SATB2: variants seen among roughly 807,000 people sequenced by gnomAD.
The protein encoded by SATB2 is DNA-binding protein SATB2.
Under a neutral mutation model 73.4 loss-of-function variants are expected in SATB2, and 1 was observed. The observed-to-expected ratio is 0.01, with a 90% CI of 0.00 to 0.06. The LOEUF (loss-of-function observed/expected upper bound fraction) is 0.06. Ranked by LOEUF, SATB2 falls within the 10% of genes least tolerant of loss-of-function variation. The probability of loss-of-function intolerance (pLI) is 1.00; values close to 1 mark genes in which losing one functional copy is unlikely to be tolerated. For missense variants in SATB2, 459 were observed against 945.8 expected (o/e 0.49, Z 6.75); for synonymous variants, 397 against 367.0 (o/e 1.08, Z -0.93).
At chr2:199,395,982 T>G (rs920037896) in intron 3 of SATB2, 17 of 152,340 alleles carry the variant, frequency 1.1e-4, no homozygotes, top group South Asian at 2.1e-4. Flanking sequence ...TAAATGTGTT[T>G]CTTACTCCTC....
intron 10 of SATB2, among the ~76,000 whole-genome samples, chr2:199,303,783 C>T (rs895313529): frequency 2.0e-5 from 3 of 152,056 alleles, no homozygotes; most frequent in African/African-American, 4.8e-5. Flanking sequence ...TGAGAAGCAA[C>T]CCAGACAAGT....
At chr2:199,432,016 C>T (rs1053526073) in intron 3 of SATB2, among the ~76,000 whole-genome samples, 2 of 152,140 alleles carry the variant, frequency 1.3e-5, no homozygotes, top group African/African-American at 2.4e-5. Context: ...AGGATCAAAT[C>T]GTGAATCCCT....
intron 2 of SATB2, among the ~76,000 whole-genome samples, chr2:199,436,434 C>T (rs72931396): frequency 6.7e-6 from 1 of 149,072 alleles, no homozygotes; most frequent in Non-Finnish European, 1.5e-5. Context: ...TAAAAAAAAA[C>T]AAAACAAAAC....
intron 3 of SATB2, among the ~76,000 whole-genome samples, chr2:199,414,815 C>A (rs1284569845): frequency 2.0e-5 from 3 of 152,120 alleles, no homozygotes; most frequent in Non-Finnish European, 4.4e-5. Flanking sequence ...AACAAAACAA[C>A]GACTGGGAGC....
intron 3 of SATB2, among the ~76,000 whole-genome samples, chr2:199,428,269 T>C (rs557781993): frequency 6.6e-6 from 1 of 152,234 alleles, no homozygotes; most frequent in Non-Finnish European, 1.5e-5. Context: ...TTTGGCTTTT[T>C]GTTTGCTTTT....
chr2:199,374,256 G>T (rs180984151), intron 5 of SATB2, among the ~76,000 whole-genome samples: 1 of 152,256 alleles, frequency 6.6e-6, no homozygotes, highest in East Asian at 1.9e-4. Context: ...AGCACCATGG[G>T]ACAGAGCTGC....
intron 6 of SATB2, among the ~76,000 whole-genome samples, chr2:199,366,827 AAG>A (rs1281470384): frequency 4.6e-5 from 7 of 151,808 alleles, no homozygotes; most frequent in Admixed American, 3.3e-4. Context: ...AAAAAAAAAA[AAG>A]ATACAGCTTG....
chr2:199,466,925 G>A (rs903839165), upstream of SATB2, among the ~76,000 whole-genome samples: 3 of 152,236 alleles, frequency 2.0e-5, no homozygotes, highest in Non-Finnish European at 4.4e-5. Context: ...TCTGTTTATA[G>A]CAGGTTTAAT....
At chr2:199,283,879 G>T (rs187854660) in intron 10 of SATB2, among the ~76,000 whole-genome samples, 3 of 152,272 alleles carry the variant, frequency 2.0e-5, no homozygotes, top group Admixed American at 6.5e-5. Context: ...GCATACTGAG[G>T]GAAGATGGTT....
chr2:199,309,540 T>C (rs1456696427), intron 9 of SATB2, among the ~76,000 whole-genome samples: 3 of 152,166 alleles, frequency 2.0e-5, no homozygotes, highest in Non-Finnish European at 4.4e-5. Context: ...ACCATCACCT[T>C]CCCGCAACAG....
intron 10 of SATB2, among the ~76,000 whole-genome samples, chr2:199,304,118 T>C (rs948205914): frequency 5.9e-5 from 9 of 152,156 alleles, no homozygotes; most frequent in African/African-American, 2.2e-4. Context: ...GCCTGTGTTT[T>C]CATTCCGCTG....
intron 9 of SATB2, among the ~76,000 whole-genome samples, chr2:199,313,525 T>C (rs1020124398): frequency 1.3e-5 from 2 of 152,152 alleles, no homozygotes; most frequent in Non-Finnish European, 2.9e-5. Context: ...TAAACAAATA[T>C]ATTTCCCTCA....
chr2:199,333,788 A>C (rs1230203074), intron 7 of SATB2, among the ~76,000 whole-genome samples: 1 of 152,126 alleles, frequency 6.6e-6, no homozygotes, highest in African/African-American at 2.4e-5. Context: ...TATGCAAAAC[A>C]TCTTCCTTCC....
chr2:199,401,485 G>A (rs951249424), intron 3 of SATB2, among the ~76,000 whole-genome samples: 10 of 151,694 alleles, frequency 6.6e-5, no homozygotes, highest in African/African-American at 2.2e-4. Flanking sequence ...CCCGGGAGGC[G>A]GAGGTTGCAG....
intron 6 of SATB2, among the ~76,000 whole-genome samples, chr2:199,350,016 A>T (rs948315349): frequency 2.0e-5 from 3 of 152,152 alleles, no homozygotes; most frequent in African/African-American, 4.8e-5. Context: ...TCTCTGTATT[A>T]CTCTATCATG....
intron 2 of SATB2, among the ~76,000 whole-genome samples, chr2:199,441,973 G>A (rs761331882): frequency 2.6e-5 from 4 of 152,112 alleles, no homozygotes; most frequent in Non-Finnish European, 4.4e-5. Flanking sequence ...CCTGACCTAC[G>A]GAACTAAATT....
chr2:199,339,108 C>T (rs1470364273), intron 7 of SATB2, among the ~76,000 whole-genome samples: 2 of 152,090 alleles, frequency 1.3e-5, no homozygotes, highest in East Asian at 3.9e-4. Flanking sequence ...GCTAAATTAG[C>T]CTTCTCTATA....
chr2:199,345,186 C>T (rs1688613977), intron 7 of SATB2, among the ~76,000 whole-genome samples: 1 of 152,062 alleles, frequency 6.6e-6, no homozygotes, highest in Non-Finnish European at 1.5e-5. Flanking sequence ...CTGACTCTTC[C>T]ATTTCCTGTC....
At chr2:199,292,907 G>C (rs577363458) in intron 10 of SATB2, among the ~76,000 whole-genome samples, 1 of 152,294 alleles carries the variant, frequency 6.6e-6, no homozygotes, top group Admixed American at 6.5e-5. Context: ...TTTGAAGCCT[G>C]CAAGTATTTA....
Sources: gnomAD v4.1 joint callset for allele counts (sites outside exome capture counted in the v4.1 genomes callset) on GRCh38, gnomAD v4.1.1 for gene constraint, MANE v1.5 for transcripts, NCBI Gene and HGNC (gene_info 2026-07-23, HGNC 2026-07-21) for gene names.